GALNS: variants seen among roughly 807,000 people sequenced by gnomAD.
GALNS encodes the protein N-acetylgalactosamine-6-sulfatase.
Under a neutral mutation model 65.9 loss-of-function variants are expected in GALNS, and 65 were observed. The ratio of observed to expected loss-of-function variants is 0.99; its 90% CI spans 0.81 to 1.21. The LOEUF is 1.21. Among genes scored for constraint, GALNS ranks in the 50% most tolerant of loss-of-function variants. The probability of loss-of-function intolerance (pLI) is 0.00; values close to 1 mark genes in which losing one functional copy is unlikely to be tolerated. For synonymous variants in GALNS, 346 were observed against 288.9 expected (o/e 1.20, Z -2.00); for missense variants, 776 against 700.7 (o/e 1.11, Z -1.21).
intron 2 of GALNS, 155 bp from the exon 3 acceptor site, chr16:88,842,126 C>T: frequency 1.4e-6 from 1 of 733,960 alleles, no homozygotes; most frequent in Non-Finnish European, 2.5e-6. Flanking sequence ...CCGTTAGCGT[C>T]TCCACCACCT....
chr16:88,835,336 G>T lies in GALNS; in HGVS notation c.775C>A (p.Arg259=), dbSNP rs61742258. ...TTCCCAATGCTGTCATCAATCTCCC[G>T]GACGGCGTCTCCATACCTGCAGGAT... is the stretch of plus-strand genomic sequence containing the variant. ...SQRGRYGDAV[R]EIDDSIGKIL... Residue 259 remains arginine (R), a synonymous_variant, in exon 8 of 14, where the codon CGG becomes AGG. Coordinates refer to ENST00000268695, the MANE Select transcript of GALNS (RefSeq NM_000512.5). The T allele has an allele frequency of 4.2e-3, 6,747 of 1,613,664 alleles. 31 individuals are homozygous for T. Among genetic ancestry groups the T allele is most frequent in the Middle Eastern group, 6.3e-3 (38 of 6,062 alleles).
chr16:88,818,562 C>A (rs181897577), intron 12 of GALNS, among the ~76,000 whole-genome samples: 5 of 152,214 alleles, frequency 3.3e-5, no homozygotes, highest in Admixed American at 3.3e-4. Context: ...TGGAGGGGAA[C>A]GGCATCTGCA....
At chr16:88,817,934 G>C in intron 13 of GALNS, 73 bp downstream of exon 13, 2 of 1,257,850 alleles carry the variant, frequency 1.6e-6, no homozygotes, top group Non-Finnish European at 2.2e-6. Context: ...TGCTGGCCAC[G>C]GTTCATCCTG....
chr16:88,816,750 G>A (rs1029135641), intron 13 of GALNS: 146 of 985,304 alleles, frequency 1.5e-4, no homozygotes, highest in Non-Finnish European at 1.7e-4. Context: ...GGCACCCAGC[G>A]GCTCCCACGC....
At chr16:88,841,444 T>C (rs530408262) in intron 3 of GALNS, among the ~76,000 whole-genome samples, 2 of 152,216 alleles carry the variant, frequency 1.3e-5, no homozygotes, top group South Asian at 4.1e-4. Context: ...CACGTGATGC[T>C]GCACTGCCCC....
At chr16:88,829,100 A>G (rs1329047908) in intron 9 of GALNS, among the ~76,000 whole-genome samples, 2 of 144,590 alleles carry the variant, frequency 1.4e-5, no homozygotes, top group African/African-American at 2.6e-5. Flanking sequence ...AGAGCTACAC[A>G]GTTCCTGAGT....
At chr16:88,846,541 A>C (rs1223489998) in intron 1 of GALNS, among the ~76,000 whole-genome samples, 2 of 137,110 alleles carry the variant, frequency 1.5e-5, no homozygotes, top group Admixed American at 7.7e-5. Context: ...TTTGAGACGA[A>C]GTCTTGCTGT....
At chr16:88,840,232 C>T (rs1216733847) in intron 4 of GALNS, 1 of 153,218 alleles carries the variant, frequency 6.5e-6, no homozygotes, top group African/African-American at 2.4e-5. Context: ...GCTGCCATGA[C>T]CATCTACATC....
intron 12 of GALNS, among the ~76,000 whole-genome samples, chr16:88,821,947 G>T (rs7188107): frequency 0.35 from 53,070 of 151,894 alleles, 9,578 homozygotes; most frequent in East Asian, 0.58. Flanking sequence ...CTGGGGTGAG[G>T]GGGGGAAGCC....
At chr16:88,826,629 T>C in intron 10 of GALNS, 73 bp downstream of exon 10, 3 of 1,548,954 alleles carry the variant, frequency 1.9e-6, no homozygotes, top group Non-Finnish European at 2.6e-6. Flanking sequence ...GGCCTGGGGG[T>C]TGCACCTGAT....
intron 1 of GALNS, among the ~76,000 whole-genome samples, chr16:88,849,166 G>A (rs906285037): frequency 1.3e-5 from 2 of 152,224 alleles, no homozygotes; most frequent in Admixed American, 1.3e-4. Flanking sequence ...ACAGGCTGAA[G>A]TACAGTGGCG....
intron 13 of GALNS, chr16:88,816,909 C>A (rs1187198668): frequency 2.0e-6 from 2 of 985,344 alleles, no homozygotes; most frequent in Non-Finnish European, 2.4e-6. Flanking sequence ...CACGCCCAGC[C>A]CGTGTAAACA....
Position 88,842,770 on chromosome 16 carries a change from G to T in GALNS, c.180C>A (p.Asp60Glu). Residue 60 changes from aspartate to glutamate, a missense_variant, in exon 2 of 14, where the codon GAC becomes GAA. Physicochemically the swap from Asp to Glu is conservative, Grantham distance 45. Coordinates refer to ENST00000268695, the MANE Select transcript of GALNS (RefSeq NM_000512.5). ...AAAGCAGCCCTTCTGCAGCCATCCGGTCCAAATTCGGGGTCTCTCTGGAGG... is the reference window on the plus strand; with the variant it reads ...AAAGCAGCCCTTCTGCAGCCATCCGTTCCAAATTCGGGGTCTCTCTGGAGG... ...GEPSRETPNL[D>E]RMAAEGLLFP... is the part of the protein sequence containing the mutation. 6.2e-7 allele frequency: 1 copy of T among 1,613,198 alleles called. No homozygotes were observed. Among genetic ancestry groups the T allele is most frequent in the Non-Finnish European group, 8.5e-7 (1 of 1,179,836 alleles).
chr16:88,847,105 CTTAA>C (rs1967281307), intron 1 of GALNS, among the ~76,000 whole-genome samples: 1 of 152,106 alleles, frequency 6.6e-6, no homozygotes, highest in African/African-American at 2.4e-5. Flanking sequence ...ACCCGCAGCT[CTTAA>C]GCACACTGGA....
intron 1 of GALNS, chr16:88,843,192 A>C: frequency 1.5e-6 from 2 of 1,344,016 alleles, no homozygotes; most frequent in East Asian, 4.5e-5. Flanking sequence ...GCCTCTAAAC[A>C]CGTGCATCTA....
intron 12 of GALNS, among the ~76,000 whole-genome samples, chr16:88,822,355 A>AGGT (rs1280411641): frequency 6.6e-6 from 1 of 152,148 alleles, no homozygotes; most frequent in East Asian, 1.9e-4. Flanking sequence ...ACTGGGGGCC[A>AGGT]GGTGGATGGT....
At position 88,841,117 on chromosome 16, in the gene GALNS, G is replaced by A. The variant is rs186070087; in HGVS notation, c.320-23C>T. ...AGGCTGGAAGAGCAGCGCTGGGTGAGCCCCGAGGAGACCCCGAGAAGCTGC... is the reference window on the plus strand; with the variant it reads ...AGGCTGGAAGAGCAGCGCTGGGTGAACCCCGAGGAGACCCCGAGAAGCTGC... On this transcript the variant is annotated intron_variant, in intron 3 of 13. Transcript: ENST00000268695. The A allele has an allele frequency of 9.8e-5, 156 of 1,588,636 alleles. No homozygotes were observed. In the African/African-American group the frequency reaches 1.9e-3, roughly 20 times the overall value.
intron 4 of GALNS, chr16:88,840,616 C>G (rs1383867279): frequency 8.2e-6 from 3 of 365,850 alleles, no homozygotes; most frequent in Non-Finnish European, 1.6e-5. Context: ...CTAGGGTGGA[C>G]AGGCAGCTCC....
rs115903161 is a variant in GALNS, at chr16:88,850,326, C to T, written c.120+6432G>A. Among the ~76,000 whole-genome samples the T allele has an allele frequency of 5.5e-3, 833 of 152,270 alleles. 10 individuals are homozygous for T. The highest frequency in any genetic ancestry group is 0.018 in the African/African-American group (733 of 41,558). ...GGCTGCGTCCTGAGGCTTCCCGAGG[C>T]GGGTCTGGCCTCCCCAGAAGGTCGG... is the stretch of plus-strand genomic sequence containing the variant. On this transcript the variant is annotated intron_variant, in intron 1 of 13. Transcript: ENST00000268695.
Sources: gnomAD v4.1 joint callset for allele counts (sites outside exome capture counted in the v4.1 genomes callset) on GRCh38, gnomAD v4.1.1 for gene constraint, MANE v1.5 for transcripts, NCBI Gene and HGNC (gene_info 2026-07-23, HGNC 2026-07-21) for gene names.